SOX6: variants seen among roughly 807,000 people sequenced by gnomAD.
SOX6 encodes SRY-box transcription factor 6.
SOX6 carries 11 observed loss-of-function variants against 97.8 expected under a neutral mutation model. That is an observed-to-expected ratio of 0.11 (90% CI 0.07 to 0.19). The LOEUF is 0.19. SOX6 is among the 10% of genes least tolerant of loss of function. The probability of loss-of-function intolerance (pLI) is 1.00; values close to 1 mark genes in which losing one functional copy is unlikely to be tolerated. For synonymous variants in SOX6, 360 were observed against 371.4 expected (o/e 0.97, Z 0.35); for missense variants, 810 against 1,039.5 (o/e 0.78, Z 3.04).
chr11:15,993,137 T>A (rs1361984295), intron 13 of SOX6, among the ~76,000 whole-genome samples: 1 of 152,192 alleles, frequency 6.6e-6, no homozygotes, highest in Non-Finnish European at 1.5e-5. Context: ...ATTATATATC[T>A]GGAAAACCCT....
intron 1 of SOX6, among the ~76,000 whole-genome samples, chr11:16,464,914 A>G (rs1328875633): frequency 6.6e-6 from 1 of 152,208 alleles, no homozygotes; most frequent in African/African-American, 2.4e-5. Context: ...CTCCTTTTAC[A>G]TTGGTATTGT....
chr11:16,167,412 C>T (rs1352959517), intron 6 of SOX6, among the ~76,000 whole-genome samples: 1 of 152,154 alleles, frequency 6.6e-6, no homozygotes, highest in Admixed American at 6.6e-5. Context: ...TACCCTTCCA[C>T]CCTTTCGTCT....
intron 2 of SOX6, among the ~76,000 whole-genome samples, chr11:16,324,433 A>G (rs1017641432): frequency 6.6e-6 from 1 of 152,136 alleles, no homozygotes; most frequent in Non-Finnish European, 1.5e-5. Context: ...GAATTATTTG[A>G]GGGCATTATG....
Position 16,657,044 on chromosome 11 carries a change from T to C in SOX6, n.430-44784A>G, listed in dbSNP as rs1334482908. Among the ~76,000 whole-genome samples, 4 of 152,214 alleles carry C rather than the reference T, an allele frequency of 2.6e-5. No homozygotes were observed. In the South Asian group the frequency reaches 8.3e-4, roughly 32 times the overall value. On this transcript the variant is annotated intron_variant and non_coding_transcript_variant, in intron 3 of 5. Transcript: ENST00000524520. ...CTATGTGTTTTCACACTGCTTAATG[T>C]CATGTATCCACCATTACAGTATCAT...
upstream of SOX6, among the ~76,000 whole-genome samples, chr11:16,476,853 C>T (rs889940082): frequency 2.6e-5 from 4 of 152,102 alleles, no homozygotes; most frequent in African/African-American, 7.2e-5. Flanking sequence ...GGCGTGGAAC[C>T]CATAAGATGC....
At chr11:16,639,688 G>A (rs1205744202) in intron 3 of SOX6, among the ~76,000 whole-genome samples, 1 of 152,158 alleles carries the variant, frequency 6.6e-6, no homozygotes, top group Admixed American at 6.5e-5. Context: ...TTGTGAATGG[G>A]TGTTCACTCA....
intron 3 of SOX6, among the ~76,000 whole-genome samples, chr11:16,708,032 A>C (rs1848150562): frequency 6.6e-6 from 1 of 152,186 alleles, no homozygotes; most frequent in African/African-American, 2.4e-5. Flanking sequence ...CTCTGAGACC[A>C]AGGTATTTCC....
chr11:16,316,705 T>G (rs551469675), intron 3 of SOX6: 50 of 152,262 alleles, frequency 3.3e-4, no homozygotes, highest in African/African-American at 1.2e-3. Context: ...CAAAGTATTT[T>G]GAAAACCACT....
chr11:16,128,891 G>A (rs959681755), intron 6 of SOX6, among the ~76,000 whole-genome samples: 8 of 151,692 alleles, frequency 5.3e-5, no homozygotes, highest in Non-Finnish European at 1.0e-4. Context: ...ACAGAGTTTC[G>A]CTCTTGTTGC....
At chr11:16,284,500 C>CATATT (rs1854674034) in intron 3 of SOX6, among the ~76,000 whole-genome samples, 1 of 152,072 alleles carries the variant, frequency 6.6e-6, no homozygotes, top group Non-Finnish European at 1.5e-5. Flanking sequence ...TATAGTTTAA[C>CATATT]ATATTATATT....
intron 4 of SOX6, among the ~76,000 whole-genome samples, chr11:16,483,212 T>C (rs1383572227): frequency 6.6e-6 from 1 of 152,218 alleles, no homozygotes; most frequent in Admixed American, 6.5e-5. Flanking sequence ...AAGAGGCAAT[T>C]ATACCTAGCA....
intron 1 of SOX6, among the ~76,000 whole-genome samples, chr11:16,463,069 A>T (rs1006770893): frequency 6.6e-6 from 1 of 152,190 alleles, no homozygotes; most frequent in African/African-American, 2.4e-5. Flanking sequence ...AGGTGCTCTG[A>T]AACAGCTCAA....
At chr11:16,620,499 G>C (rs916908436) in intron 3 of SOX6, among the ~76,000 whole-genome samples, 2 of 152,178 alleles carry the variant, frequency 1.3e-5, no homozygotes, top group African/African-American at 4.8e-5. Context: ...GTTGGAATCA[G>C]ACTCCAGGGA....
rs1263771679 is a variant in SOX6 at position 16,339,458 on chromosome 11, ACT to A, written c.237+1552_237+1553del. The stretch of plus-strand genomic sequence containing the variant: ...TACATGCTGTTCCCTCTGCAGTTTT[ACT>A]CTTTGTTCCACTCTACCTGGTTAGT... On this transcript the variant is annotated intron_variant, in intron 2 of 15. Coordinates refer to ENST00000683767, the MANE Select transcript of SOX6 (RefSeq NM_001367873.1). Among the ~76,000 whole-genome samples the A allele has an allele frequency of 3.3e-5, 5 of 151,528 alleles. No individual in the cohort carries two copies. In the South Asian group the frequency reaches 8.3e-4, roughly 25 times the overall value.
intron 1 of SOX6, among the ~76,000 whole-genome samples, chr11:16,436,663 A>C (rs1164874346): frequency 1.3e-5 from 2 of 152,106 alleles, no homozygotes; most frequent in African/African-American, 4.8e-5. Flanking sequence ...TCATCTGTAA[A>C]ATAGGTTTTG....
intron 2 of SOX6, among the ~76,000 whole-genome samples, chr11:16,725,045 C>A (rs753158637): frequency 3.9e-5 from 6 of 152,110 alleles, no homozygotes; most frequent in Admixed American, 1.3e-4. Context: ...CAAAGTCACA[C>A]AAAATCTCTT....
chr11:15,985,568 C>T (rs1459910842), intron 15 of SOX6, among the ~76,000 whole-genome samples: 1 of 152,110 alleles, frequency 6.6e-6, no homozygotes, highest in African/African-American at 2.4e-5. Context: ...GCCAGTCAGC[C>T]AAGTTGAAAT....
At chr11:16,253,062 G>A (rs1853564776) in intron 3 of SOX6, among the ~76,000 whole-genome samples, 1 of 152,026 alleles carries the variant, frequency 6.6e-6, no homozygotes, top group African/African-American at 2.4e-5. Context: ...AAAGAAACTG[G>A]ACAGGCTGGG....
At chr11:16,215,543 A>C (rs1220071349) in intron 4 of SOX6, among the ~76,000 whole-genome samples, 1 of 152,200 alleles carries the variant, frequency 6.6e-6, no homozygotes, top group Non-Finnish European at 1.5e-5. Flanking sequence ...CTCATGACTT[A>C]TCTAGGCACC....
Sources: gnomAD v4.1 joint callset for allele counts (sites outside exome capture counted in the v4.1 genomes callset) on GRCh38, gnomAD v4.1.1 for gene constraint, MANE v1.5 for transcripts, NCBI Gene and HGNC (gene_info 2026-07-23, HGNC 2026-07-21) for gene names.